ASAP1: variants seen among roughly 807,000 people sequenced by gnomAD.
The protein encoded by ASAP1 is arf-GAP with SH3 domain, ANK repeat and PH domain-containing protein 1.
Under a neutral mutation model 145.2 loss-of-function variants are expected in ASAP1, and 43 were observed. The ratio of observed to expected loss-of-function variants is 0.30; its 90% CI spans 0.23 to 0.38. The LOEUF is 0.38. Among genes scored for constraint, ASAP1 ranks in the 10% least tolerant of loss-of-function variants. ASAP1 has a pLI of 1.00. For synonymous variants in ASAP1, 546 were observed against 515.5 expected (o/e 1.06, Z -0.80); for missense variants, 1,018 against 1,355.3 (o/e 0.75, Z 3.91).
At chr8:130,075,849 A>G (rs1379860896) in intron 27 of ASAP1, among the ~76,000 whole-genome samples, 1 of 152,232 alleles carries the variant, frequency 6.6e-6, no homozygotes, top group African/African-American at 2.4e-5. Context: ...TCTGCACAAC[A>G]GATGCCATCC....
chr8:130,259,630 T>C (rs1343062730), intron 3 of ASAP1, among the ~76,000 whole-genome samples: 3 of 152,240 alleles, frequency 2.0e-5, no homozygotes, highest in Non-Finnish European at 4.4e-5. Flanking sequence ...CCCAACCTAA[T>C]GAACCATCAT....
intron 3 of ASAP1, among the ~76,000 whole-genome samples, chr8:130,297,404 T>G (rs1324017222): frequency 6.6e-6 from 1 of 152,224 alleles, no homozygotes; most frequent in East Asian, 1.9e-4. Flanking sequence ...CACATATAAG[T>G]GGACCAGCAC....
chr8:130,182,528 C>T (rs1050688784), intron 7 of ASAP1, among the ~76,000 whole-genome samples: 1 of 152,122 alleles, frequency 6.6e-6, no homozygotes, highest in African/African-American at 2.4e-5. Flanking sequence ...AATAAAAGAG[C>T]TGCCTTCACA....
chr8:130,326,552 CATTTTT>C (rs1472404972), intron 3 of ASAP1, among the ~76,000 whole-genome samples: 3 of 152,226 alleles, frequency 2.0e-5, no homozygotes, highest in Admixed American at 2.0e-4. Flanking sequence ...CAACAACTTT[CATTTTT>C]ATTTCCCCTG....
chr8:130,272,996 C>G (rs1310933683), intron 3 of ASAP1, among the ~76,000 whole-genome samples: 1 of 152,116 alleles, frequency 6.6e-6, no homozygotes, highest in East Asian at 1.9e-4. Flanking sequence ...GAAGAGAGGA[C>G]TAGAAATCTT....
intron 3 of ASAP1, among the ~76,000 whole-genome samples, chr8:130,276,611 C>G (rs1820896799): frequency 6.6e-6 from 1 of 151,326 alleles, no homozygotes; most frequent in Non-Finnish European, 1.5e-5. Context: ...GGAGTAAATA[C>G]TTAGCCCGAA....
rs948238150 is a variant in ASAP1, at chr8:130,358,197, C to T, written c.60-54G>A. 21 of 1,507,660 alleles carry T rather than the reference C, an allele frequency of 1.4e-5. No individual in the cohort carries two copies. The African/African-American group carries it at 2.4e-4, about 17-fold the overall frequency. 93.4% of individuals were successfully genotyped at this position (1,507,660 alleles called of 1,614,324 possible). A position where few individuals can be genotyped will look rare whatever the true frequency, so the allele number is the denominator to read the frequency against. On this transcript the variant is annotated intron_variant, in intron 2 of 29. Coordinates refer to ENST00000518721, the MANE Select transcript of ASAP1 (RefSeq NM_018482.4). This position sits in a 1 kb window ranked among gnomAD's most constrained non-coding sequence, Gnocchi z 4.1. ...GGCGGGGGGTGAGTCACGGCGCAGG[C>T]TCCCGGGGCCGCGGGCCGCCCGGAG...
At chr8:130,364,448 AAGCTTAG>A (rs1826857751) in intron 2 of ASAP1, among the ~76,000 whole-genome samples, 1 of 152,236 alleles carries the variant, frequency 6.6e-6, no homozygotes, top group Admixed American at 6.5e-5. Context: ...GGGAAACCTG[AAGCTTAG>A]AGGTTACCTG....
intron 3 of ASAP1, among the ~76,000 whole-genome samples, chr8:130,329,241 C>T (rs1178293964): frequency 1.3e-5 from 2 of 152,218 alleles, no homozygotes; most frequent in Non-Finnish European, 2.9e-5. Context: ...TTTTCCAGTT[C>T]TGTTTCCATC....
intron 20 of ASAP1, 80 bp downstream of exon 20, chr8:130,118,081 T>C: frequency 1.6e-6 from 2 of 1,231,180 alleles, no homozygotes; most frequent in Non-Finnish European, 2.3e-6. Context: ...CAATTCCCGA[T>C]CTAGGCCACT....
chr8:130,295,555 T>C (rs546122532), intron 3 of ASAP1, among the ~76,000 whole-genome samples: 2 of 152,324 alleles, frequency 1.3e-5, no homozygotes, highest in East Asian at 3.9e-4. Context: ...TGAGATAATG[T>C]TTATGAAACA....
intron 3 of ASAP1, among the ~76,000 whole-genome samples, chr8:130,302,642 G>A (rs962575975): frequency 1.3e-5 from 2 of 152,182 alleles, no homozygotes; most frequent in African/African-American, 4.8e-5. Context: ...TGGCAGCCAA[G>A]CCCTGGAGAG....
chr8:130,175,730 C>T (rs768494468), intron 9 of ASAP1, among the ~76,000 whole-genome samples: 4 of 152,078 alleles, frequency 2.6e-5, no homozygotes, highest in Admixed American at 6.6e-5. Flanking sequence ...ATTTACTAAG[C>T]GTTTATTAAA....
intron 9 of ASAP1, among the ~76,000 whole-genome samples, chr8:130,169,820 T>C (rs956975234): frequency 5.9e-5 from 9 of 152,198 alleles, no homozygotes; most frequent in African/African-American, 1.7e-4. Context: ...CTTGGTTAAG[T>C]TGCAGCTAGT....
chr8:130,306,574 T>C (rs1823005508), intron 3 of ASAP1, among the ~76,000 whole-genome samples: 1 of 152,174 alleles, frequency 6.6e-6, no homozygotes, highest in South Asian at 2.1e-4. Context: ...CCTCTCAAAC[T>C]TTTTACTGGA....
intron 5 of ASAP1, among the ~76,000 whole-genome samples, chr8:130,198,134 ATT>A (rs200376344): frequency 2.4e-4 from 33 of 139,664 alleles, no homozygotes; most frequent in African/African-American, 2.6e-4. Flanking sequence ...TTTTCATAAG[ATT>A]TTTTTTTTTT....
At chr8:130,323,548 T>G (rs1013164351) in intron 3 of ASAP1, among the ~76,000 whole-genome samples, 2 of 152,194 alleles carry the variant, frequency 1.3e-5, no homozygotes, top group African/African-American at 4.8e-5. Flanking sequence ...CAGTGCCATC[T>G]GCAGAAGAGC....
chr8:130,251,340 C>T (rs1437124670), intron 3 of ASAP1, among the ~76,000 whole-genome samples: 4 of 152,078 alleles, frequency 2.6e-5, no homozygotes, highest in Non-Finnish European at 5.9e-5. Flanking sequence ...AGTGCTTGAA[C>T]CTGGGGGGAG....
intron 3 of ASAP1, among the ~76,000 whole-genome samples, chr8:130,338,859 TC>T (rs1487443949): frequency 6.6e-6 from 1 of 152,230 alleles, no homozygotes; most frequent in Non-Finnish European, 1.5e-5. Flanking sequence ...GAGGACTGTT[TC>T]CTGGGCATTT....
Sources: allele counts gnomAD v4.1 joint callset (sites outside exome capture counted in the v4.1 genomes callset), GRCh38; gene constraint gnomAD v4.1.1; non-coding constraint Gnocchi (gnomAD v3.1); transcripts MANE v1.5; gene names NCBI Gene and HGNC (gene_info 2026-07-23, HGNC 2026-07-21).